Variants in GAB2 observed in about 807,000 individuals in gnomAD.
The protein encoded by GAB2 is GRB2-associated-binding protein 2.
A neutral mutation model predicts 65.5 loss-of-function variants in GAB2; 26 were observed. The ratio of observed to expected loss-of-function variants is 0.40; its 90% CI spans 0.29 to 0.55. GAB2 has a LOEUF of 0.55. Among genes scored for constraint, GAB2 ranks in the 20% least tolerant of loss-of-function variants. The pLI is 0.53. For synonymous variants in GAB2, 321 were observed against 329.6 expected, an observed-to-expected ratio of 0.97 and a Z score of 0.28; for missense variants, 884 against 875.8, an observed-to-expected ratio of 1.01 and a Z score of -0.12.
intron 1 of GAB2, among the ~76,000 whole-genome samples, chr11:78,364,922 T>C (rs1026771755): frequency 3.3e-5 from 5 of 152,200 alleles, no homozygotes; most frequent in African/African-American, 2.4e-5. Flanking sequence ...TACGTCTATA[T>C]AGTATTTTGC....
At chr11:78,285,733 C>T (rs1590999854) in intron 1 of GAB2, among the ~76,000 whole-genome samples, 1 of 152,146 alleles carries the variant, frequency 6.6e-6, no homozygotes, top group South Asian at 2.1e-4. Context: ...TCCCAAAGTG[C>T]TGGGATTACA....
chr11:78,357,512 T>C (rs1314394346), intron 1 of GAB2, among the ~76,000 whole-genome samples: 1 of 152,026 alleles, frequency 6.6e-6, no homozygotes, highest in Non-Finnish European at 1.5e-5. Context: ...TGCAATCTAC[T>C]CATCTGACAA....
intron 1 of GAB2, among the ~76,000 whole-genome samples, chr11:78,396,761 C>T (rs760807340): frequency 1.3e-5 from 2 of 152,282 alleles, no homozygotes; most frequent in South Asian, 4.1e-4. Flanking sequence ...CTGTGCCCGA[C>T]TAATCTTGTA....
At chr11:78,311,080 C>T (rs1243864094) in intron 1 of GAB2, among the ~76,000 whole-genome samples, 3 of 152,160 alleles carry the variant, frequency 2.0e-5, no homozygotes, top group Non-Finnish European at 2.9e-5. Flanking sequence ...TGGGACAGTT[C>T]TCAGATCAAA....
intron 2 of GAB2, among the ~76,000 whole-genome samples, chr11:78,261,339 A>G (rs991005474): frequency 6.6e-6 from 1 of 152,180 alleles, no homozygotes; most frequent in African/African-American, 2.4e-5. Context: ...GCGATCTTCA[A>G]TAAACACACT....
chr11:78,379,162 C>A (rs1171030808), intron 1 of GAB2, among the ~76,000 whole-genome samples: 2 of 152,206 alleles, frequency 1.3e-5, no homozygotes, highest in African/African-American at 4.8e-5. Flanking sequence ...CACATTACTT[C>A]CTGTTGTGAC....
chr11:78,288,457 C>T (rs1413882445), intron 1 of GAB2, among the ~76,000 whole-genome samples: 2 of 147,236 alleles, frequency 1.4e-5, no homozygotes, highest in Admixed American at 6.7e-5. Context: ...CAAAACCCAA[C>T]AAAACTCTCA....
At chr11:78,219,528 C>T (rs1213272018) in intron 9 of GAB2, 113 bp from the exon 10 acceptor site, 1 of 944,924 alleles carries the variant, frequency 1.1e-6, no homozygotes, top group Non-Finnish European at 1.7e-6. Flanking sequence ...AGAGCATGGC[C>T]TCTGCCTGCC....
rs775424721 is a variant in GAB2 at position 78,280,805 on chromosome 11, G to T, written c.172C>A (p.Leu58Met). The change falls in exon 2 of 10, where the codon CTG (leucine) becomes ATG (methionine). Residue 58 changes from leucine (L) to methionine (M), a missense_variant. Transcript: ENST00000361507. ...CAGAAGTTCAGGTTGATGATCCGCA[G>T]AGGCTTCTTGGAGTGATCGTTCTTG... ...YYKNDHSKKPLRIINLNFCEQ... is the reference protein window; with the variant it reads ...YYKNDHSKKPMRIINLNFCEQ... The T allele has an allele frequency of 2.4e-5, 38 of 1,614,018 alleles. No individual in the cohort carries two copies. Among genetic ancestry groups the T allele is most frequent in the African/African-American group, 4.0e-5 (3 of 74,956 alleles).
chr11:78,317,285 C>T (rs1399728950), intron 1 of GAB2, among the ~76,000 whole-genome samples: 7 of 152,076 alleles, frequency 4.6e-5, no homozygotes, highest in Non-Finnish European at 8.8e-5. Context: ...TACGATGGGC[C>T]GGGCACAGTG....
intron 1 of GAB2, among the ~76,000 whole-genome samples, chr11:78,309,957 T>TGTGC (rs1361653541): frequency 7.0e-6 from 1 of 142,126 alleles, no homozygotes; most frequent in African/African-American, 3.0e-5. Context: ...TGTGTGTGTG[T>TGTGC]GTGTGTGTGT....
intron 1 of GAB2, among the ~76,000 whole-genome samples, chr11:78,329,262 A>C (rs1188577910): frequency 1.3e-5 from 2 of 152,090 alleles, no homozygotes; most frequent in African/African-American, 4.8e-5. Context: ...TAGGAGAAAG[A>C]GAGTAGAGAG....
In GAB2 at chr11:78,314,967, C is replaced by T. The variant is rs78690387; in HGVS notation, c.76-34066G>A. On this transcript the variant is annotated intron_variant, in intron 1 of 9. Coordinates refer to ENST00000361507, the MANE Select transcript of GAB2 (RefSeq NM_080491.3). Reference sequence around the variant, plus strand: ...GGGCTTGCTATGGGAGCAGTGAGAACTAACATGACTCCATTACAGCTTCAC... The same window carrying T: ...GGGCTTGCTATGGGAGCAGTGAGAATTAACATGACTCCATTACAGCTTCAC... Among the ~76,000 whole-genome samples the T allele has an allele frequency of 5.2e-3, 790 of 152,288 alleles. 4 individuals carry two copies. The highest frequency in any genetic ancestry group is 0.018 in the African/African-American group (741 of 41,568).
chr11:78,233,852 T>A (rs564051786), intron 3 of GAB2, among the ~76,000 whole-genome samples: 11 of 152,290 alleles, frequency 7.2e-5, no homozygotes, highest in African/African-American at 2.4e-4. Context: ...GGCCTCAAGT[T>A]ATCTGCCTGC....
intron 4 of GAB2, among the ~76,000 whole-genome samples, chr11:78,225,703 T>C (rs974758790): frequency 3.3e-5 from 5 of 152,180 alleles, no homozygotes; most frequent in African/African-American, 1.2e-4. Flanking sequence ...GAGCTGGGAC[T>C]CTAGGGTCTG....
intron 1 of GAB2, among the ~76,000 whole-genome samples, chr11:78,395,315 G>A (rs1443127673): frequency 1.3e-5 from 2 of 152,236 alleles, no homozygotes; most frequent in Non-Finnish European, 2.9e-5. Flanking sequence ...TTAGCTGTGT[G>A]TGGTGGCACA....
At chr11:78,413,034 G>A (rs1857149190) in intron 1 of GAB2, among the ~76,000 whole-genome samples, 1 of 152,328 alleles carries the variant, frequency 6.6e-6, no homozygotes, top group Admixed American at 6.5e-5. Flanking sequence ...TGAGCAAGTA[G>A]GTGCTTAGTG....
chr11:78,316,926 C>T (rs1855619268), intron 1 of GAB2, among the ~76,000 whole-genome samples: 1 of 152,184 alleles, frequency 6.6e-6, no homozygotes, highest in Non-Finnish European at 1.5e-5. Context: ...AAACACAGTA[C>T]ATGCATACAA....
chr11:78,358,826 A>G (rs1205172545), intron 1 of GAB2, among the ~76,000 whole-genome samples: 1 of 152,218 alleles, frequency 6.6e-6, no homozygotes, highest in Non-Finnish European at 1.5e-5. Flanking sequence ...CACATGTTGG[A>G]ATTAGAGACA....
Sources: allele counts gnomAD v4.1 joint callset (sites outside exome capture counted in the v4.1 genomes callset), GRCh38; gene constraint gnomAD v4.1.1; transcripts MANE v1.5; gene names NCBI Gene and HGNC (gene_info 2026-07-23, HGNC 2026-07-21).